The following NLK variants were observed in gnomAD, a reference collection of about 807,000 sequenced individuals.
NLK encodes the protein serine/threonine-protein kinase NLK.
Under a neutral mutation model 59.0 loss-of-function variants are expected in NLK, and 11 were observed. The ratio of observed to expected loss-of-function variants is 0.19; its 90% CI spans 0.12 to 0.31. NLK has a LOEUF of 0.31. Among genes scored for constraint, NLK ranks in the 10% least tolerant of loss-of-function variants. The pLI is 1.00. For synonymous variants in NLK, 235 were observed against 235.9 expected, an observed-to-expected ratio of 1.00 and a Z score of 0.03; for missense variants, 410 against 661.1, an observed-to-expected ratio of 0.62 and a Z score of 4.16.
chr17:28,061,788 AATATATAC>A (rs987308506), intron 1 of NLK, among the ~76,000 whole-genome samples: 15 of 146,318 alleles, frequency 1.0e-4, no homozygotes, highest in African/African-American at 2.2e-4. Flanking sequence ...ATACATATAT[AATATATAC>A]ATATATACAT....
At chr17:28,174,099 C>T (rs952938490) in intron 7 of NLK, among the ~76,000 whole-genome samples, 3 of 152,104 alleles carry the variant, frequency 2.0e-5, no homozygotes, top group Admixed American at 2.0e-4. Flanking sequence ...ACCTACTGCA[C>T]CAAAAGTCAC....
At position 28,194,983 on chromosome 17, in the gene NLK, T is replaced by TCACACACA. The variant is rs35187605; in HGVS notation, c.*372_*379dup. On this transcript the variant is annotated 3_prime_UTR_variant, in exon 11 of 11. Coordinates refer to ENST00000407008, the MANE Select transcript of NLK (RefSeq NM_016231.5). ...CTTTTCTAAAATGAAGTGAGATTGT[T>TCACACACA]CACACACACACACACACACACACAC... The TCACACACA allele has an allele frequency of 6.2e-3, 984 of 158,466 alleles. 11 individuals are homozygous for TCACACACA. The highest frequency in any genetic ancestry group is 0.022 in the African/African-American group (861 of 39,882). The allele number at this position is 158,466 out of a possible 1,614,324, so 9.8% of individuals were successfully genotyped here. A position where few individuals can be genotyped will look rare whatever the true frequency, so the allele number is the denominator to read the frequency against.
At chr17:28,192,662 C>CCAT (rs1257920346) in intron 10 of NLK, among the ~76,000 whole-genome samples, 3 of 151,490 alleles carry the variant, frequency 2.0e-5, no homozygotes, top group African/African-American at 7.3e-5. Flanking sequence ...GAGCGAAACT[C>CCAT]CATCTCAAAA....
At chr17:28,062,763 T>C (rs537007825) in intron 1 of NLK, among the ~76,000 whole-genome samples, 1 of 152,226 alleles carries the variant, frequency 6.6e-6, no homozygotes, top group East Asian at 1.9e-4. Context: ...GTGTTTTTAG[T>C]AGAGATGGGG....
chr17:28,141,491 C>G (rs1036177807), intron 3 of NLK, among the ~76,000 whole-genome samples: 4 of 152,154 alleles, frequency 2.6e-5, no homozygotes, highest in African/African-American at 7.2e-5. Context: ...GCAGTCTGCT[C>G]TCAGGTTTTA....
intron 5 of NLK, among the ~76,000 whole-genome samples, chr17:28,164,012 C>T (rs552669896): frequency 5.3e-5 from 8 of 152,276 alleles, no homozygotes; most frequent in Admixed American, 1.3e-4. Context: ...CATTTTTACA[C>T]AGCTAACATA....
intron 3 of NLK, among the ~76,000 whole-genome samples, chr17:28,156,723 C>T (rs1049495071): frequency 6.6e-5 from 10 of 152,154 alleles, no homozygotes; most frequent in African/African-American, 2.4e-4. Flanking sequence ...TGATTGATTA[C>T]ATTCAAATTA....
At position 28,122,750 on chromosome 17, in the gene NLK, T is replaced by A; in HGVS notation, c.588+18T>A. 1 of 1,613,464 alleles carries A rather than the reference T, an allele frequency of 6.2e-7. No individual in the cohort carries two copies. ...ATGATAATGTAAGTGAAATTGGTAT[T>A]TGGGGGAAACTATTTCCTAAGCCTC... On this transcript the variant is annotated intron_variant, in intron 2 of 10. Coordinates refer to ENST00000407008, the MANE Select transcript of NLK (RefSeq NM_016231.5).
intron 2 of NLK, among the ~76,000 whole-genome samples, chr17:28,129,025 C>T (rs1372268505): frequency 6.6e-6 from 1 of 152,140 alleles, no homozygotes; most frequent in East Asian, 1.9e-4. Context: ...ATCTCACAGG[C>T]ATAACAGTAA....
At chr17:28,098,675 CTTTTTTTTTTTT>C (rs781294029) in intron 1 of NLK, among the ~76,000 whole-genome samples, 2 of 67,566 alleles carry the variant, frequency 3.0e-5, no homozygotes, top group South Asian at 4.7e-4. Flanking sequence ...CATTACCATT[CTTTTTTTTTTTT>C]TTTTTTTTTT....
At chr17:28,074,735 G>T (rs1404913584) in intron 1 of NLK, among the ~76,000 whole-genome samples, 1 of 152,070 alleles carries the variant, frequency 6.6e-6, no homozygotes, top group Non-Finnish European at 1.5e-5. Flanking sequence ...ATATATAGAT[G>T]GGAAAAGAGC....
chr17:28,145,198 A>T (rs1907195055), intron 3 of NLK, among the ~76,000 whole-genome samples: 1 of 152,182 alleles, frequency 6.6e-6, no homozygotes, highest in East Asian at 1.9e-4. Context: ...TATGATTTGC[A>T]TGAGTAAGCA....
chr17:28,085,726 GC>G (rs1910491688), intron 1 of NLK, among the ~76,000 whole-genome samples: 1 of 152,106 alleles, frequency 6.6e-6, no homozygotes, highest in South Asian at 2.1e-4. Context: ...GGATGACAGA[GC>G]AAGACCCAGT....
chr17:28,156,186 A>G (rs1315967782), intron 3 of NLK, among the ~76,000 whole-genome samples: 1 of 152,214 alleles, frequency 6.6e-6, no homozygotes, highest in Non-Finnish European at 1.5e-5. Flanking sequence ...ATATAAGTAT[A>G]TAACTTGCGT....
At chr17:28,072,517 A>T (rs985930699) in intron 1 of NLK, among the ~76,000 whole-genome samples, 17 of 151,742 alleles carry the variant, frequency 1.1e-4, no homozygotes, top group Non-Finnish European at 1.5e-5. Context: ...TTGTAGAGAC[A>T]GGGTCTCACT....
chr17:28,175,710 G>A (rs1296906644), intron 7 of NLK, among the ~76,000 whole-genome samples: 1 of 152,132 alleles, frequency 6.6e-6, no homozygotes, highest in Non-Finnish European at 1.5e-5. Context: ...CATGTAAGGA[G>A]AACATAGAAT....
chr17:28,068,054 TTGCTTGAAGCCG>T (rs1324486827), intron 1 of NLK, among the ~76,000 whole-genome samples: 1 of 151,540 alleles, frequency 6.6e-6, no homozygotes, highest in Non-Finnish European at 1.5e-5. Flanking sequence ...GGTAGGAGAA[TTGCTTGAAGCCG>T]AGAGGTGGAG....
Position 28,079,457 on chromosome 17 carries a change from T to C in NLK, c.458+36126T>C, listed in dbSNP as rs182235818. 1.7e-4 allele frequency among the ~76,000 whole-genome samples: 26 copies of C among 152,348 alleles called. No homozygotes were observed. The East Asian group carries it at 4.2e-3, about 25-fold the overall frequency. ...CCTTCATACTGTTTTCCATAGCAAC[T>C]GGACCATTTATATTCGCACCAGCAG... On this transcript the variant is annotated intron_variant, in intron 1 of 10. Transcript: ENST00000407008.
intron 1 of NLK, among the ~76,000 whole-genome samples, chr17:28,117,463 G>C (rs1273015579): frequency 6.6e-6 from 1 of 152,138 alleles, no homozygotes; most frequent in Non-Finnish European, 1.5e-5. Flanking sequence ...TCTCACTACA[G>C]ATTAGAATGG....
Sources: gnomAD v4.1 joint callset for allele counts (sites outside exome capture counted in the v4.1 genomes callset) on GRCh38, gnomAD v4.1.1 for gene constraint, MANE v1.5 for transcripts, NCBI Gene and HGNC (gene_info 2026-07-23, HGNC 2026-07-21) for gene names.